Variants in ASCC1 observed in about 807,000 individuals in gnomAD.
ASCC1 encodes the protein ASC-1 complex subunit P50.
ASCC1 carries 35 observed loss-of-function variants against 46.6 expected under a neutral mutation model. The ratio of observed to expected loss-of-function variants is 0.75; its 90% CI spans 0.57 to 0.99. The LOEUF (loss-of-function observed/expected upper bound fraction) is 0.99. Among genes scored for constraint, ASCC1 ranks in the 50% least tolerant of loss-of-function variants. The probability of loss-of-function intolerance (pLI) is 0.00; values close to 1 mark genes in which losing one functional copy is unlikely to be tolerated. For synonymous variants in ASCC1, 143 were observed against 146.6 expected (o/e 0.98, Z 0.18); for missense variants, 376 against 428.7 (o/e 0.88, Z 1.09).
chr10:72,127,962 A>G, intron 9 of ASCC1, 120 bp downstream of exon 9: 1 of 852,586 alleles, frequency 1.2e-6, no homozygotes, highest in Non-Finnish European at 1.9e-6. Context: ...ATAATTAAAA[A>G]AAAAAAGTAT....
intron 7 of ASCC1, among the ~76,000 whole-genome samples, chr10:72,150,890 A>C (rs1236285148): frequency 6.6e-6 from 1 of 152,220 alleles, no homozygotes; most frequent in Non-Finnish European, 1.5e-5. Flanking sequence ...TCAAAACCAC[A>C]ATGAGATACC....
chr10:72,104,007 T>C (rs980070893), intron 9 of ASCC1, among the ~76,000 whole-genome samples: 7 of 152,220 alleles, frequency 4.6e-5, no homozygotes, highest in Admixed American at 1.3e-4. Context: ...TAAATTTGTA[T>C]GTTTTTCTCT....
chr10:72,216,479 CG>C (rs1404320620), upstream of ASCC1, among the ~76,000 whole-genome samples: 7 of 20,382 alleles, frequency 3.4e-4, no homozygotes, highest in African/African-American at 8.6e-4. Flanking sequence ...GCCCCGTTCC[CG>C]CCCCCCCCCC....
intron 4 of ASCC1, among the ~76,000 whole-genome samples, chr10:72,197,724 G>A (rs1436985730): frequency 1.3e-5 from 2 of 151,408 alleles, no homozygotes; most frequent in Non-Finnish European, 2.9e-5. Context: ...TGGCCAATAT[G>A]GCAAAACCCC....
chr10:72,112,523 T>C (rs1287875010), intron 9 of ASCC1, among the ~76,000 whole-genome samples: 1 of 152,086 alleles, frequency 6.6e-6, no homozygotes, highest in Non-Finnish European at 1.5e-5. Flanking sequence ...ATGTACTTAA[T>C]GCCACTGAAT....
intron 5 of ASCC1, among the ~76,000 whole-genome samples, chr10:72,192,312 G>A (rs1334970052): frequency 7.2e-5 from 11 of 152,012 alleles, no homozygotes; most frequent in African/African-American, 1.9e-4. Flanking sequence ...AAAATTAGCC[G>A]GGCATGGTGA....
intron 9 of ASCC1, among the ~76,000 whole-genome samples, chr10:72,125,247 A>ATT (rs200123543): frequency 6.6e-6 from 1 of 150,500 alleles, no homozygotes; most frequent in African/African-American, 2.4e-5. Context: ...GATGAAGTTG[A>ATT]TTTTTTTTTT....
chr10:72,206,969 C>T (rs1043135993), intron 3 of ASCC1, among the ~76,000 whole-genome samples: 3 of 152,150 alleles, frequency 2.0e-5, no homozygotes, highest in African/African-American at 7.2e-5. Flanking sequence ...GGCTCTGGGT[C>T]TCTTCCCCAG....
chr10:72,136,492 G>A (rs535342122), intron 7 of ASCC1, among the ~76,000 whole-genome samples: 18 of 152,196 alleles, frequency 1.2e-4, no homozygotes, highest in African/African-American at 3.4e-4. Flanking sequence ...ACCAATCAGC[G>A]CTCTGTGTCT....
intron 5 of ASCC1, among the ~76,000 whole-genome samples, chr10:72,167,507 C>G (rs557130699): frequency 1.3e-5 from 2 of 152,008 alleles, no homozygotes; most frequent in Non-Finnish European, 2.9e-5. Flanking sequence ...TGTTCTAAAG[C>G]TGAATTGTGG....
intron 9 of ASCC1, chr10:72,102,277 C>T: frequency 6.8e-7 from 1 of 1,478,810 alleles, no homozygotes. Flanking sequence ...AAGGGAGCTA[C>T]TTCATGGGGA....
intron 5 of ASCC1, among the ~76,000 whole-genome samples, chr10:72,186,169 G>GA (rs1853421846): frequency 6.8e-6 from 1 of 146,620 alleles, no homozygotes; most frequent in South Asian, 2.2e-4. Flanking sequence ...AACTGTTTTT[G>GA]TTTTTTTTTT....
rs531071111 is a variant in ASCC1 at position 72,096,076 on chromosome 10, A to G, written c.*1258T>C. On this transcript the variant is annotated 3_prime_UTR_variant, in exon 10 of 10. Coordinates refer to ENST00000672957, the MANE Select transcript of ASCC1 (RefSeq NM_001198800.3). Reference sequence around the variant, plus strand: ...CACAAGTGATTTGTGCAGTCCCAATAATAAATCTCACTGTTAGACACAGTC... The same window carrying G: ...CACAAGTGATTTGTGCAGTCCCAATGATAAATCTCACTGTTAGACACAGTC... 1.1e-5 allele frequency: 5 copies of G among 452,838 alleles called. No individual in the cohort carries two copies. The highest frequency in any genetic ancestry group is 7.8e-5 in the South Asian group (5 of 64,410). The allele number at this position is 452,838 out of a possible 1,614,324, so 28.1% of individuals were successfully genotyped here. A position where few individuals can be genotyped will look rare whatever the true frequency, so the allele number is the denominator to read the frequency against.
At chr10:72,098,522 G>T (rs905316566) in intron 9 of ASCC1, among the ~76,000 whole-genome samples, 1 of 152,196 alleles carries the variant, frequency 6.6e-6, no homozygotes, top group African/African-American at 2.4e-5. Flanking sequence ...ACCATACCTG[G>T]CCCCAAGAAA....
chr10:72,115,577 A>C (rs551781505), intron 9 of ASCC1, among the ~76,000 whole-genome samples: 4 of 152,364 alleles, frequency 2.6e-5, no homozygotes, highest in South Asian at 4.1e-4. Context: ...GCCAGCTGCC[A>C]CTGAAGCCAA....
chr10:72,157,618 GA>G (rs1849136742), intron 6 of ASCC1, among the ~76,000 whole-genome samples: 1 of 152,072 alleles, frequency 6.6e-6, no homozygotes, highest in Non-Finnish European at 1.5e-5. Flanking sequence ...ACTTTTGATG[GA>G]TCGAGAACCA....
At chr10:72,099,202 C>T (rs1250017264) in intron 9 of ASCC1, among the ~76,000 whole-genome samples, 1 of 152,198 alleles carries the variant, frequency 6.6e-6, no homozygotes, top group South Asian at 2.1e-4. Context: ...GTGACCGACC[C>T]ATGACTTCAC....
chr10:72,190,631 G>C (rs56042866), intron 5 of ASCC1: 44,018 of 812,792 alleles, frequency 0.054, 6,432 homozygotes, highest in African/African-American at 0.44. Flanking sequence ...ACAGTCATGT[G>C]TGCTTACAGG....
In ASCC1 at chr10:72,157,286, C is replaced by T. The variant is rs1215578554; in HGVS notation, c.626+4252G>A. On this transcript the variant is annotated intron_variant, in intron 6 of 9. Transcript: ENST00000672957. The stretch of plus-strand genomic sequence containing the variant: ...CATTCCAAGTACTAGCCAAAGAATT[C>T]GATTTGAAAGATTGCCACTGAATCC... 3.3e-5 allele frequency among the ~76,000 whole-genome samples: 5 copies of T among 152,018 alleles called. No individual in the cohort carries two copies. The East Asian group carries it at 5.8e-4, about 18-fold the overall frequency.
Sources: gnomAD v4.1 joint callset for allele counts (sites outside exome capture counted in the v4.1 genomes callset) on GRCh38, gnomAD v4.1.1 for gene constraint, MANE v1.5 for transcripts, NCBI Gene and HGNC (gene_info 2026-07-23, HGNC 2026-07-21) for gene names.